POLA1: variants seen among roughly 807,000 people sequenced by gnomAD.
POLA1 encodes the protein DNA polymerase alpha 1, catalytic subunit.
POLA1 carries 15 observed loss-of-function variants against 124.0 expected under a neutral mutation model. The ratio of observed to expected loss-of-function variants is 0.12; its 90% CI spans 0.08 to 0.19. The LOEUF (loss-of-function observed/expected upper bound fraction) is 0.19, where lower values mean the gene tolerates loss of function less well. POLA1 is among the 10% of genes least tolerant of loss of function. The probability of loss-of-function intolerance (pLI) is 1.00; values close to 1 mark genes in which losing one functional copy is unlikely to be tolerated. For missense variants in POLA1, 886 were observed against 1,103.4 expected, an observed-to-expected ratio of 0.80 and a Z score of 2.79; for synonymous variants, 408 against 389.4, an observed-to-expected ratio of 1.05 and a Z score of -0.56.
intron 36 of POLA1, among the ~76,000 whole-genome samples, chrX:24,937,396 T>C (rs188745304): frequency 1.8e-5 from 2 of 112,015 alleles, no homozygotes; most frequent in East Asian, 5.5e-4. Context: ...ATTATAGCTT[T>C]TCTTTTTCTT....
chrX:24,946,704 C>T (rs866075320), intron 36 of POLA1, among the ~76,000 whole-genome samples: 4 of 111,906 alleles, frequency 3.6e-5, no homozygotes, highest in African/African-American at 1.3e-4. Flanking sequence ...CACTGTCCCT[C>T]TTACATTATA....
intron 34 of POLA1, among the ~76,000 whole-genome samples, chrX:24,853,143 A>T (rs1268692631): frequency 8.9e-6 from 1 of 112,215 alleles, no homozygotes; most frequent in Non-Finnish European, 1.9e-5. Flanking sequence ...TTCAAGAGAG[A>T]CCTCTTTAAA....
At chrX:24,741,162 T>C (rs1207092410) in intron 20 of POLA1, among the ~76,000 whole-genome samples, 3 of 109,345 alleles carry the variant, frequency 2.7e-5, no homozygotes, top group African/African-American at 1.0e-4. Context: ...CGTGTGTGTG[T>C]GTGTGTGTTT....
chrX:24,989,625 A>G (rs1244689095), intron 36 of POLA1, among the ~76,000 whole-genome samples: 1 of 110,855 alleles, frequency 9.0e-6, no homozygotes, highest in Non-Finnish European at 1.9e-5. Flanking sequence ...TCATGACTTC[A>G]TGTGTATTAA....
At chrX:24,801,779 A>G (rs1402115223) in intron 26 of POLA1, among the ~76,000 whole-genome samples, 1 of 110,961 alleles carries the variant, frequency 9.0e-6, no homozygotes, top group African/African-American at 3.3e-5. Context: ...TCTCCATTTT[A>G]CAGTTGAGGA....
chrX:24,925,740 CGTTTGTTT>C (rs550764725), intron 35 of POLA1, among the ~76,000 whole-genome samples: 57 of 111,199 alleles, frequency 5.1e-4, no homozygotes, highest in African/African-American at 1.7e-3. Context: ...AGCATCATTC[CGTTTGTTT>C]GTTTGTTTGT....
Position 24,996,228 on chromosome X carries a change from G to A in POLA1, c.*278G>A, listed in dbSNP as rs780641536. ...CCCCTCCCCAAGCTCCTGAAGACCC[G>A]GTTTCTGAGGGAGGGAAATTGCTAC... On this transcript the variant is annotated 3_prime_UTR_variant, in exon 37 of 37. Transcript: ENST00000379068. 4.3e-6 allele frequency: 1 copy of A among 233,169 alleles called. No individual in the cohort carries two copies. The highest frequency in any genetic ancestry group is 2.9e-5 in the African/African-American group (1 of 35,086). 19.2% of individuals were successfully genotyped at this position (233,169 alleles called of 1,213,427 possible).
At chrX:24,895,998 C>A (rs1311364063) in intron 35 of POLA1, among the ~76,000 whole-genome samples, 1 of 111,912 alleles carries the variant, frequency 8.9e-6, no homozygotes, top group Non-Finnish European at 1.9e-5. Context: ...ATTTTCCACA[C>A]TCCATTGACC....
chrX:24,908,024 T>A (rs1232969346), intron 35 of POLA1, among the ~76,000 whole-genome samples: 2 of 111,197 alleles, frequency 1.8e-5, no homozygotes, highest in Non-Finnish European at 3.8e-5. Context: ...AAGTATAGAC[T>A]ATATAAAGAG....
chrX:24,818,376 T>C (rs2046028611), intron 30 of POLA1, among the ~76,000 whole-genome samples: 1 of 111,804 alleles, frequency 8.9e-6, no homozygotes, highest in African/African-American at 3.3e-5. Flanking sequence ...GTTAAGATTT[T>C]TATATTGTAT....
chrX:24,760,186 G>T (rs1393478328), intron 26 of POLA1, among the ~76,000 whole-genome samples: 2 of 112,308 alleles, frequency 1.8e-5, no homozygotes, highest in Non-Finnish European at 3.8e-5. Context: ...GGAAAGGGAA[G>T]AATAATCATA....
chrX:24,871,959 A>G (rs771080505), intron 34 of POLA1, among the ~76,000 whole-genome samples: 5 of 112,093 alleles, frequency 4.5e-5, no homozygotes, highest in African/African-American at 1.6e-4. Flanking sequence ...TAATGATTTT[A>G]ATAAAGTTAC....
chrX:24,797,315 A>ATT (rs200418135), intron 26 of POLA1, among the ~76,000 whole-genome samples: 1 of 108,442 alleles, frequency 9.2e-6, no homozygotes, highest in Non-Finnish European at 1.9e-5. Context: ...TTAAAACTTA[A>ATT]TTTTTTTTTT....
intron 21 of POLA1, 75 bp downstream of exon 21, chrX:24,741,579 A>T (rs868333032): frequency 4.5e-6 from 4 of 886,009 alleles, no homozygotes; most frequent in Non-Finnish European, 6.5e-6. Flanking sequence ...TTGTTATATG[A>T]TAATGAGTCT....
chrX:24,848,805 T>C (rs1569337206), intron 34 of POLA1, among the ~76,000 whole-genome samples: 2 of 112,574 alleles, frequency 1.8e-5, no homozygotes, highest in South Asian at 7.3e-4. Flanking sequence ...CCTCCCACTC[T>C]ATCCCTCCTG....
chrX:24,730,172 G>A (rs936801409), intron 15 of POLA1, among the ~76,000 whole-genome samples: 1 of 111,930 alleles, frequency 8.9e-6, no homozygotes, highest in Non-Finnish European at 1.9e-5. Context: ...TTAATTAGTA[G>A]TTAAAATTTT....
rs1328974621 is a variant in POLA1 at position 24,826,413 on chromosome X, A to G, written c.3562-14A>G. ...TCTTCTTTTTACGTGTCTTTTTATCATATCTTCTTTTAGGATGGATCAAAC... is the reference window on the plus strand; with the variant it reads ...TCTTCTTTTTACGTGTCTTTTTATCGTATCTTCTTTTAGGATGGATCAAAC... On this transcript the variant is annotated splice_polypyrimidine_tract_variant and intron_variant, in intron 31 of 36. Transcript: ENST00000379068. The G allele has an allele frequency of 8.6e-7, 1 of 1,159,513 alleles. No homozygotes were observed. The highest frequency in any genetic ancestry group is 1.2e-6 in the Non-Finnish European group (1 of 864,192).
intron 4 of POLA1, among the ~76,000 whole-genome samples, chrX:24,709,362 C>G (rs779022502): frequency 1.2e-3 from 114 of 97,645 alleles, no homozygotes; most frequent in Admixed American, 2.3e-3. Flanking sequence ...ACCTCCCTCC[C>G]GGACAGCACG....
chrX:24,908,226 A>T (rs755863241), intron 35 of POLA1, among the ~76,000 whole-genome samples: 1 of 110,997 alleles, frequency 9.0e-6, no homozygotes, highest in South Asian at 3.9e-4. Flanking sequence ...TTTATTTTTT[A>T]TTATTTTACT....
Sources: allele counts gnomAD v4.1 joint callset (sites outside exome capture counted in the v4.1 genomes callset), GRCh38; gene constraint gnomAD v4.1.1; transcripts MANE v1.5; gene names NCBI Gene and HGNC (gene_info 2026-07-23, HGNC 2026-07-21).